The following KDM4B variants were observed in gnomAD, a reference collection of about 807,000 sequenced individuals.
KDM4B encodes lysine demethylase 4B.
Under a neutral mutation model 125.2 loss-of-function variants are expected in KDM4B, and 32 were observed. The ratio of observed to expected loss-of-function variants is 0.26; its 90% CI spans 0.19 to 0.34. KDM4B has a LOEUF of 0.34. KDM4B is among the 10% of genes least tolerant of loss of function. The pLI is 1.00. For synonymous variants in KDM4B, 721 were observed against 677.9 expected (o/e 1.06, Z -0.99); for missense variants, 1,190 against 1,577.7 (o/e 0.75, Z 4.16).
intron 6 of KDM4B, among the ~76,000 whole-genome samples, chr19:5,062,775 GTTTT>G (rs34134889): frequency 1.2e-4 from 11 of 89,852 alleles, no homozygotes; most frequent in African/African-American, 3.6e-4. Context: ...TAATTAAACT[GTTTT>G]TTTTTTTTTT....
At chr19:5,107,684 G>A (rs1383912753) in intron 9 of KDM4B, among the ~76,000 whole-genome samples, 2 of 152,218 alleles carry the variant, frequency 1.3e-5, no homozygotes, top group African/African-American at 2.4e-5. Context: ...GATCAGAAGA[G>A]GCCGGAGTTG....
intron 2 of KDM4B, among the ~76,000 whole-genome samples, chr19:5,023,047 A>T (rs1191391155): frequency 6.6e-6 from 1 of 152,042 alleles, no homozygotes; most frequent in East Asian, 1.9e-4. Context: ...CGCGGGTGGG[A>T]CTGAGTGAAG....
At chr19:5,144,654 GC>G in intron 20 of KDM4B, 128 bp from the exon 21 acceptor site, 4 of 1,352,906 alleles carry the variant, frequency 3.0e-6, no homozygotes, top group Admixed American at 2.1e-5. Context: ...GCTACCCCGG[GC>G]CCCCGCAGCC....
Position 5,090,366 on chromosome 19 carries a change from ATC to A in KDM4B, c.918+7871_918+7872del, listed in dbSNP as rs2038653288. Among the ~76,000 whole-genome samples the A allele has an allele frequency of 5.0e-5, 3 of 60,174 alleles. 1 individual carries two copies. Among genetic ancestry groups the A allele is most frequent in the East Asian group, 5.1e-4 (1 of 1,956 alleles). 39.5% of individuals were successfully genotyped at this position (60,174 alleles called of 152,430 possible). A position where few individuals can be genotyped will look rare whatever the true frequency, so the allele number is the denominator to read the frequency against. On this transcript the variant is annotated intron_variant, in intron 9 of 22. Transcript: ENST00000159111. The stretch of plus-strand genomic sequence containing the variant: ...TAACGTTCTCTCTCTCTCTCTCCTC[ATC>A]TCTCTCTCCCCCCATATCTCTCCCC...
chr19:5,031,532 G>T (rs144534918), intron 2 of KDM4B, among the ~76,000 whole-genome samples: 1 of 152,254 alleles, frequency 6.6e-6, no homozygotes, highest in African/African-American at 2.4e-5. Context: ...GAGCTGTGCG[G>T]TTTTGTCAAA....
intron 3 of KDM4B, among the ~76,000 whole-genome samples, chr19:5,039,609 C>T (rs2036739339): frequency 1.3e-5 from 2 of 152,300 alleles, no homozygotes. Flanking sequence ...ACCCAGCTTC[C>T]CAGGCCTGGA....
At chr19:5,083,390 T>C (rs916629891) in intron 9 of KDM4B, among the ~76,000 whole-genome samples, 1 of 152,180 alleles carries the variant, frequency 6.6e-6, no homozygotes, top group Non-Finnish European at 1.5e-5. Flanking sequence ...ACGGGGCTTA[T>C]GAATCCTAAG....
At chr19:5,067,785 G>A (rs2037820568) in intron 6 of KDM4B, among the ~76,000 whole-genome samples, 2 of 152,176 alleles carry the variant, frequency 1.3e-5, no homozygotes, top group African/African-American at 4.8e-5. Flanking sequence ...CAGAGGGCCT[G>A]GGCAGCTGTC....
chr19:4,978,429 C>T (rs2034524943), intron 1 of KDM4B, among the ~76,000 whole-genome samples: 1 of 135,160 alleles, frequency 7.4e-6, no homozygotes. Context: ...ATCGCTTGAA[C>T]CTGGGAGGTG....
In KDM4B at chr19:5,024,281, G is replaced by A. The variant is rs539725065; in HGVS notation, c.-26+7942G>A. On this transcript the variant is annotated intron_variant, in intron 2 of 22. Transcript: ENST00000159111. ...TGGACAGGATGCCGGCCCAGCCCCA[G>A]CAGTGCCAGTGCAGGTGGGGTGAAG... 5.8e-4 allele frequency among the ~76,000 whole-genome samples: 88 copies of A among 152,276 alleles called. 1 individual carries two copies. In the South Asian group the frequency reaches 0.018, roughly 31 times the overall value.
chr19:5,070,778 C>T (rs1214625309), intron 6 of KDM4B: 9 of 469,968 alleles, frequency 1.9e-5, no homozygotes, highest in African/African-American at 6.0e-5. Flanking sequence ...CACAAGCCAC[C>T]GAGCCATGGT....
In KDM4B at chr19:5,119,773, T is replaced by G. The variant is rs1393142038; in HGVS notation, c.1236T>G (p.Ala412=). 3.9e-6 allele frequency: 6 copies of G among 1,545,978 alleles called. No individual in the cohort carries two copies. Among genetic ancestry groups the G allele is most frequent in the Non-Finnish European group, 5.2e-6 (6 of 1,144,840 alleles). The stretch of plus-strand genomic sequence containing the variant: ...CTGGGGGCAGCGTGAAGGAGGAGGC[T>G]GGGCCGGAGGTTGACCCCGAGGAGG... ...EEAGGSVKEE[A]GPEVDPEEEE... Residue 412 remains alanine (A), a synonymous_variant, in exon 11 of 23, where the codon GCT becomes GCG. Transcript: ENST00000159111.
intron 9 of KDM4B, among the ~76,000 whole-genome samples, chr19:5,097,951 T>C (rs2038859927): frequency 6.6e-6 from 1 of 152,152 alleles, no homozygotes; most frequent in Non-Finnish European, 1.5e-5. Flanking sequence ...ATCTCAGGCA[T>C]GGGGGGCGCA....
chr19:5,067,726 T>A (rs941511868), intron 6 of KDM4B, among the ~76,000 whole-genome samples: 2 of 151,586 alleles, frequency 1.3e-5, no homozygotes, highest in Admixed American at 1.3e-4. Context: ...ACAGAGGAGG[T>A]AGGCTGGGAG....
chr19:4,983,157 C>T (rs2034705943), intron 1 of KDM4B, among the ~76,000 whole-genome samples: 1 of 131,954 alleles, frequency 7.6e-6, no homozygotes, highest in Non-Finnish European at 1.5e-5. Context: ...TTTTTGGGTG[C>T]TGTCTTTGAC....
chr19:5,027,712 CA>C (rs1252719376), intron 2 of KDM4B, among the ~76,000 whole-genome samples: 1 of 151,862 alleles, frequency 6.6e-6, no homozygotes, highest in Non-Finnish European at 1.5e-5. Flanking sequence ...GGCTAATTTT[CA>C]TATTTTTGAG....
Position 5,114,209 on chromosome 19 carries a change from C to T in KDM4B, c.1115+3391C>T, listed in dbSNP as rs368050202. On this transcript the variant is annotated intron_variant, in intron 10 of 22. Coordinates refer to ENST00000159111, the MANE Select transcript of KDM4B (RefSeq NM_015015.3). This position sits in a 1 kb window ranked among gnomAD's most constrained non-coding sequence, Gnocchi z 5.8. ...TTCCACGCGAGAAGCGCCATGTGCA[C>T]GTGCTCCAGCAGGTACGCGCTCCCT... 902 of 1,289,736 alleles carry T rather than the reference C, an allele frequency of 7.0e-4. 4 individuals are homozygous for T. The East Asian group carries it at 8.0e-3, about 11-fold the overall frequency. 79.9% of individuals were successfully genotyped at this position (1,289,736 alleles called of 1,614,324 possible).
rs114833750 is a variant in KDM4B, at chr19:5,003,087, A to G, written c.-108-13170A>G. Among the ~76,000 whole-genome samples the G allele has an allele frequency of 9.2e-3, 1,389 of 151,732 alleles. 21 individuals are homozygous for G. Among genetic ancestry groups the G allele is most frequent in the African/African-American group, 0.032 (1,310 of 41,346 alleles). The stretch of plus-strand genomic sequence containing the variant: ...GGCTCTCGTATGATTCCTCCTTTAC[A>G]CTCACGTTCCGATTCCACCGCCGTT... On this transcript the variant is annotated intron_variant, in intron 1 of 22. Transcript: ENST00000159111.
intron 6 of KDM4B, among the ~76,000 whole-genome samples, chr19:5,049,070 A>G (rs1022567900): frequency 1.3e-5 from 2 of 151,870 alleles, no homozygotes; most frequent in South Asian, 2.1e-4. Context: ...TGGGGCTGCT[A>G]TGGGTCAGAT....
Sources: gnomAD v4.1 joint callset for allele counts (sites outside exome capture counted in the v4.1 genomes callset) on GRCh38, gnomAD v4.1.1 for gene constraint, Gnocchi (gnomAD v3.1) non-coding constraint, MANE v1.5 for transcripts, NCBI Gene and HGNC (gene_info 2026-07-23, HGNC 2026-07-21) for gene names.